Variants in TAFA2 observed in about 807,000 individuals in gnomAD.
TAFA2 encodes the protein TAFA chemokine like family member 2, also known as chemokine-like protein TAFA-2.
Under a neutral mutation model 18.8 loss-of-function variants are expected in TAFA2, and 7 were observed. The observed-to-expected ratio is 0.37, with a 90% CI of 0.21 to 0.70. The LOEUF is 0.70. TAFA2 is among the 30% of genes least tolerant of loss of function. The probability of loss-of-function intolerance (pLI) is 0.53; values close to 1 mark genes in which losing one functional copy is unlikely to be tolerated. For missense variants in TAFA2, 122 were observed against 158.1 expected, an observed-to-expected ratio of 0.77 and a Z score of 1.23; for synonymous variants, 60 against 54.2, an observed-to-expected ratio of 1.11 and a Z score of -0.47.
At chr12:62,016,615 A>C (rs1880944382) in intron 1 of TAFA2, among the ~76,000 whole-genome samples, 1 of 152,184 alleles carries the variant, frequency 6.6e-6, no homozygotes, top group Non-Finnish European at 1.5e-5. Context: ...ACAACTGAGG[A>C]GAAAACCTCC....
intron 1 of TAFA2, chr12:62,235,521 C>T: frequency 1.9e-6 from 1 of 512,832 alleles, no homozygotes; most frequent in Non-Finnish European, 3.6e-6. Context: ...TACATGAAGA[C>T]TAGGTGGTGT....
At chr12:61,966,917 C>G (rs1016875656) in intron 1 of TAFA2, among the ~76,000 whole-genome samples, 1 of 151,784 alleles carries the variant, frequency 6.6e-6, no homozygotes, top group Non-Finnish European at 1.5e-5. Flanking sequence ...GTCAATGAAA[C>G]GGTCACTTTT....
intron 1 of TAFA2, among the ~76,000 whole-genome samples, chr12:61,977,077 T>G (rs916603100): frequency 2.6e-5 from 4 of 152,074 alleles, no homozygotes; most frequent in African/African-American, 9.7e-5. Context: ...TTTCTAGTTC[T>G]AGATCCTTGA....
intron 1 of TAFA2, among the ~76,000 whole-genome samples, chr12:62,032,635 C>T (rs1881489990): frequency 1.3e-5 from 2 of 151,820 alleles, no homozygotes; most frequent in African/African-American, 2.4e-5. Context: ...ACATTTTTTT[C>T]CAGAAACAAC....
chr12:61,773,080 A>C (rs914268548), intron 2 of TAFA2, among the ~76,000 whole-genome samples: 2 of 152,002 alleles, frequency 1.3e-5, no homozygotes, highest in Non-Finnish European at 2.9e-5. Flanking sequence ...GCTGAGAATC[A>C]AATCAAGAAC....
intron 1 of TAFA2, among the ~76,000 whole-genome samples, chr12:61,895,792 GA>G (rs2121305298): frequency 6.6e-6 from 1 of 152,042 alleles, no homozygotes; most frequent in South Asian, 2.1e-4. Context: ...GTGTTTACTG[GA>G]TGAACGAGTG....
At chr12:62,021,804 T>C (rs1881149652) in intron 1 of TAFA2, 1 of 888,632 alleles carries the variant, frequency 1.1e-6, no homozygotes, top group Non-Finnish European at 1.9e-6. Flanking sequence ...AATGTAATAG[T>C]TAACACGGTC....
intron 1 of TAFA2, among the ~76,000 whole-genome samples, chr12:62,100,038 T>C (rs1358014653): frequency 6.6e-6 from 1 of 152,070 alleles, no homozygotes; most frequent in Non-Finnish European, 1.5e-5. Context: ...ATGAATTTTT[T>C]TATTTTTCTT....
chr12:61,818,571 C>T (rs150709992), intron 2 of TAFA2, among the ~76,000 whole-genome samples: 467 of 151,692 alleles, frequency 3.1e-3, no homozygotes, highest in Non-Finnish European at 4.7e-3. Context: ...TAGAGCAAAG[C>T]CCTCCAATGG....
chr12:62,150,833 G>T (rs2062323116), intron 1 of TAFA2, among the ~76,000 whole-genome samples: 1 of 151,770 alleles, frequency 6.6e-6, no homozygotes, highest in Admixed American at 6.6e-5. Context: ...TTGAACCCAG[G>T]AGACGGAGGT....
intron 1 of TAFA2, among the ~76,000 whole-genome samples, chr12:62,122,530 G>A (rs907256523): frequency 5.3e-5 from 8 of 152,048 alleles, no homozygotes; most frequent in African/African-American, 1.4e-4. Flanking sequence ...TATCATTATC[G>A]TGTGGTTTTA....
chr12:61,867,485 G>T (rs1443619585), intron 1 of TAFA2, 59 bp from the exon 2 acceptor site: 3 of 1,043,346 alleles, frequency 2.9e-6, no homozygotes, highest in South Asian at 1.3e-5. Flanking sequence ...TTTCCCTTAT[G>T]ATTGTGCTAC....
intron 1 of TAFA2, among the ~76,000 whole-genome samples, chr12:62,119,798 G>A (rs925480612): frequency 6.6e-6 from 1 of 152,144 alleles, no homozygotes; most frequent in South Asian, 2.1e-4. Flanking sequence ...GTTTGGCCGG[G>A]CACGGTGGCT....
At chr12:61,945,723 A>G (rs1333199989) in intron 1 of TAFA2, among the ~76,000 whole-genome samples, 2 of 142,382 alleles carry the variant, frequency 1.4e-5, no homozygotes, top group Non-Finnish European at 3.1e-5. Context: ...CAAACAGAAT[A>G]AAATACCTAG....
intron 2 of TAFA2, among the ~76,000 whole-genome samples, chr12:61,831,667 G>A (rs1872724736): frequency 6.6e-6 from 1 of 151,970 alleles, no homozygotes; most frequent in African/African-American, 2.4e-5. Context: ...AAAACTCTTC[G>A]ATTAAACTCT....
At chr12:62,093,763 T>C (rs1868825023) in intron 1 of TAFA2, among the ~76,000 whole-genome samples, 1 of 152,048 alleles carries the variant, frequency 6.6e-6, no homozygotes, top group African/African-American at 2.4e-5. Flanking sequence ...GTTCATACTT[T>C]GAGGGTGTAT....
intron 2 of TAFA2, among the ~76,000 whole-genome samples, chr12:61,787,470 A>T (rs1870786214): frequency 6.6e-6 from 1 of 151,728 alleles, no homozygotes; most frequent in African/African-American, 2.4e-5. Flanking sequence ...TAAAGGTTAA[A>T]TATCAAAGTG....
intron 1 of TAFA2, among the ~76,000 whole-genome samples, chr12:62,086,258 TC>T (rs1363618054): frequency 6.6e-6 from 1 of 151,238 alleles, no homozygotes; most frequent in Non-Finnish European, 1.5e-5. Context: ...GGATATGACA[TC>T]AAAAGCAGAG....
chr12:61,914,279 C>G (rs1309401724), intron 1 of TAFA2, among the ~76,000 whole-genome samples: 1 of 152,166 alleles, frequency 6.6e-6, no homozygotes, highest in Admixed American at 6.5e-5. Flanking sequence ...AAACATCCTT[C>G]TCTCAGGATC....
Sources: allele counts gnomAD v4.1 joint callset (sites outside exome capture counted in the v4.1 genomes callset), GRCh38; gene constraint gnomAD v4.1.1; transcripts MANE v1.5; gene names NCBI Gene and HGNC (gene_info 2026-07-23, HGNC 2026-07-21).